Variants in ESRRG observed in about 807,000 individuals in gnomAD.
The protein encoded by ESRRG is estrogen related receptor gamma, also known as estrogen-related receptor gamma.
A neutral mutation model predicts 44.0 loss-of-function variants in ESRRG; 13 were observed. The observed-to-expected ratio is 0.30, with a 90% CI of 0.19 to 0.47. The LOEUF (loss-of-function observed/expected upper bound fraction) is 0.47. Among genes scored for constraint, ESRRG ranks in the 20% least tolerant of loss-of-function variants. The pLI is 1.00. For synonymous variants in ESRRG, 215 were observed against 214.6 expected (o/e 1.00, Z -0.02); for missense variants, 395 against 580.6 (o/e 0.68, Z 3.29).
At position 216,560,276 on chromosome 1, in the gene ESRRG, C is replaced by T. The variant is rs183559204; in HGVS notation, c.862+3943G>A. 2.0e-5 allele frequency among the ~76,000 whole-genome samples: 3 copies of T among 151,930 alleles called. No individual in the cohort carries two copies. The East Asian group carries it at 5.8e-4, about 29-fold the overall frequency. On this transcript the variant is annotated intron_variant, in intron 5 of 6. Coordinates refer to ENST00000408911, the MANE Select transcript of ESRRG (RefSeq NM_001438.4). ...ATCAATTGAAAAATGTAACTGAGGCCCCCCAAACTTGAGCAAAGTCCTCCT... is the reference window on the plus strand; with the variant it reads ...ATCAATTGAAAAATGTAACTGAGGCTCCCCAAACTTGAGCAAAGTCCTCCT...
intron 1 of ESRRG, among the ~76,000 whole-genome samples, chr1:216,966,576 T>C (rs1423833601): frequency 6.6e-6 from 1 of 152,178 alleles, no homozygotes; most frequent in East Asian, 1.9e-4. Flanking sequence ...TTTAGATATA[T>C]AGGCATCTCC....
At chr1:216,778,109 G>C (rs74141651) in intron 2 of ESRRG, among the ~76,000 whole-genome samples, 4,876 of 152,156 alleles carry the variant, frequency 0.032, 268 homozygotes, top group African/African-American at 0.11. Context: ...GTTGAAGCTT[G>C]TATAGGTGAG....
rs891135257 is a variant in ESRRG, at chr1:216,533,268, G to GA, written c.863-13848dup. Among the ~76,000 whole-genome samples the GA allele has an allele frequency of 3.3e-3, 491 of 149,662 alleles. 2 individuals are homozygous for GA. Among genetic ancestry groups the GA allele is most frequent in the African/African-American group, 0.012 (470 of 40,634 alleles). On this transcript the variant is annotated intron_variant, in intron 5 of 6. Transcript: ENST00000408911. Reference sequence around the variant, plus strand: ...TCTTTATGGGGTGTGAAGATGAGATGAAAAAAAAATAAAAGGTATATATTA... The same window carrying GA: ...TCTTTATGGGGTGTGAAGATGAGATGAAAAAAAAAATAAAAGGTATATATTA...
intron 3 of ESRRG, among the ~76,000 whole-genome samples, chr1:216,573,740 C>T (rs2061237245): frequency 6.6e-6 from 1 of 151,678 alleles, no homozygotes; most frequent in African/African-American, 2.4e-5. Context: ...AGAAGAGATA[C>T]AGAAACAAAT....
intron 5 of ESRRG, among the ~76,000 whole-genome samples, chr1:216,533,673 T>C (rs985696638): frequency 1.3e-5 from 2 of 152,244 alleles, no homozygotes; most frequent in African/African-American, 4.8e-5. Flanking sequence ...ATAGGCAGGG[T>C]ATACTAACGC....
chr1:217,090,122 T>A (rs2092309789), upstream of ESRRG, among the ~76,000 whole-genome samples: 1 of 152,196 alleles, frequency 6.6e-6, no homozygotes, highest in East Asian at 1.9e-4. Flanking sequence ...TATGTGTGCA[T>A]ATGCGTGTGA....
intron 2 of ESRRG, among the ~76,000 whole-genome samples, chr1:216,667,019 T>C (rs778653053): frequency 6.6e-6 from 1 of 152,090 alleles, no homozygotes; most frequent in South Asian, 2.1e-4. Flanking sequence ...ACAGGTACGT[T>C]TGAGTAACCC....
chr1:216,933,547 A>C (rs1407370392), intron 2 of ESRRG, among the ~76,000 whole-genome samples: 1 of 152,166 alleles, frequency 6.6e-6, no homozygotes, highest in East Asian at 1.9e-4. Context: ...CATGGAGCTG[A>C]TGAGGAGATG....
chr1:216,562,220 G>T (rs375773944), intron 5 of ESRRG, among the ~76,000 whole-genome samples: 1 of 152,046 alleles, frequency 6.6e-6, no homozygotes, highest in Non-Finnish European at 1.5e-5. Context: ...AATAATGGGT[G>T]GTTTGGAACC....
chr1:216,662,984 T>G, intron 2 of ESRRG, among the ~76,000 whole-genome samples: 1 of 152,238 alleles, frequency 6.6e-6, no homozygotes, highest in East Asian at 1.9e-4. Context: ...TACTTTACAG[T>G]CTATTATCCA....
chr1:216,572,647 A>G (rs1033540209), intron 3 of ESRRG, among the ~76,000 whole-genome samples: 3 of 152,030 alleles, frequency 2.0e-5, no homozygotes, highest in Admixed American at 6.6e-5. Flanking sequence ...CAGAAAATCA[A>G]ATATCAAATT....
chr1:217,030,177 C>T (rs1451208911), intron 1 of ESRRG, among the ~76,000 whole-genome samples: 2 of 152,058 alleles, frequency 1.3e-5, no homozygotes, highest in Non-Finnish European at 2.9e-5. Context: ...CTTTGTCTCT[C>T]TCTCTCATGG....
At chr1:217,020,212 C>G (rs1432694657) in intron 1 of ESRRG, among the ~76,000 whole-genome samples, 1 of 152,090 alleles carries the variant, frequency 6.6e-6, no homozygotes, top group Non-Finnish European at 1.5e-5. Flanking sequence ...GAATTAATCA[C>G]TAAGGAGAGC....
At chr1:216,578,639 A>C (rs2062128681) in intron 3 of ESRRG, among the ~76,000 whole-genome samples, 1 of 152,172 alleles carries the variant, frequency 6.6e-6, no homozygotes, top group African/African-American at 2.4e-5. Context: ...CCCCTTCTCA[A>C]CCAACTCTAT....
intron 3 of ESRRG, among the ~76,000 whole-genome samples, chr1:216,579,856 T>G (rs79664799): frequency 6.6e-6 from 1 of 152,202 alleles, no homozygotes; most frequent in Non-Finnish European, 1.5e-5. Flanking sequence ...GAATTCCCCA[T>G]GAAAATTTCC....
At chr1:216,575,677 G>A (rs1389558788) in intron 3 of ESRRG, among the ~76,000 whole-genome samples, 2 of 152,086 alleles carry the variant, frequency 1.3e-5, no homozygotes, top group Non-Finnish European at 2.9e-5. Flanking sequence ...TGGGGAGAAT[G>A]GCTGCAGAAC....
chr1:216,560,936 G>A (rs2058605655), intron 5 of ESRRG, among the ~76,000 whole-genome samples: 1 of 152,118 alleles, frequency 6.6e-6, no homozygotes, highest in Non-Finnish European at 1.5e-5. Context: ...TAATGGCTGG[G>A]CCCTGTCATT....
At chr1:216,693,885 A>G (rs1167691253) in intron 1 of ESRRG, among the ~76,000 whole-genome samples, 1 of 152,214 alleles carries the variant, frequency 6.6e-6, no homozygotes, top group African/African-American at 2.4e-5. Context: ...TGAACAAACC[A>G]TGAATTCACA....
chr1:216,881,483 G>A (rs2096446535), intron 2 of ESRRG, among the ~76,000 whole-genome samples: 1 of 152,098 alleles, frequency 6.6e-6, no homozygotes, highest in East Asian at 1.9e-4. Context: ...AAGGGGGAGT[G>A]GGGATGGAGC....
Sources: gnomAD v4.1 joint callset for allele counts (sites outside exome capture counted in the v4.1 genomes callset) on GRCh38, gnomAD v4.1.1 for gene constraint, MANE v1.5 for transcripts, NCBI Gene and HGNC (gene_info 2026-07-23, HGNC 2026-07-21) for gene names.